Variants in RTN2 observed in about 807,000 individuals in gnomAD.
The protein encoded by RTN2 is reticulon 2, also known as reticulon-2.
RTN2 carries 36 observed loss-of-function variants against 63.7 expected under a neutral mutation model. That is an observed-to-expected ratio of 0.56 (90% CI 0.43 to 0.75). The LOEUF is 0.75. RTN2 is among the 30% of genes least tolerant of loss of function. RTN2 has a pLI of 0.00. For missense variants in RTN2, 673 were observed against 705.1 expected (o/e 0.95, Z 0.52); for synonymous variants, 312 against 313.0 (o/e 1.00, Z 0.03).
intron 5 of RTN2, 87 bp from the exon 6 acceptor site, chr19:45,489,640 C>T (rs1243445136): frequency 1.2e-6 from 1 of 826,714 alleles, no homozygotes; most frequent in African/African-American, 1.7e-5. Context: ...CTGAAAATGA[C>T]TTCTCGACAC....
Position 45,494,097 on chromosome 19 carries a change from T to G in RTN2, c.814+69A>C. 1 of 1,571,122 alleles carries G rather than the reference T, an allele frequency of 6.4e-7. No individual in the cohort carries two copies. Among genetic ancestry groups the G allele is most frequent in the Non-Finnish European group, 8.6e-7 (1 of 1,164,524 alleles). Reference sequence around the variant, plus strand: ...ACTGTTCCTTTGCGAGGTTGGTCCCTTTAATTCAAAATCCTCTCACCTTTT... The same window carrying G: ...ACTGTTCCTTTGCGAGGTTGGTCCCGTTAATTCAAAATCCTCTCACCTTTT... On this transcript the variant is annotated intron_variant, in intron 4 of 10. Coordinates refer to ENST00000245923, the MANE Select transcript of RTN2 (RefSeq NM_005619.5). The surrounding 1 kb of genome is among the most constrained non-coding windows in gnomAD (Gnocchi z 5.3).
At chr19:45,490,422 C>G (rs1343830895) in intron 5 of RTN2, among the ~76,000 whole-genome samples, 1 of 152,112 alleles carries the variant, frequency 6.6e-6, no homozygotes, top group Non-Finnish European at 1.5e-5. Context: ...CTAACCCCTT[C>G]ACCGCAAGCA....
intron 5 of RTN2, among the ~76,000 whole-genome samples, chr19:45,491,574 C>T (rs183743568): frequency 2.0e-5 from 3 of 150,494 alleles, no homozygotes; most frequent in Non-Finnish European, 4.4e-5. Context: ...CTCTGTTGCC[C>T]AAGCTGGAGT....
chr19:45,488,423 A>G, intron 9 of RTN2, 48 bp downstream of exon 9: 1 of 1,591,772 alleles, frequency 6.3e-7, no homozygotes, highest in South Asian at 1.1e-5. Flanking sequence ...AGATGGTCAG[A>G]CCCCCATGTT....
chr19:45,488,696 A>C lies in RTN2; in HGVS notation c.1391T>G (p.Leu464Arg). The C allele has an allele frequency of 6.2e-7, 1 of 1,613,796 alleles. No homozygotes were observed. Among genetic ancestry groups the C allele is most frequent in the Non-Finnish European group, 8.5e-7 (1 of 1,179,884 alleles). The change falls in exon 8 of 11, where the codon CTC becomes CGC. Residue 464 changes from leucine (L) to arginine (R), a missense_variant. Physicochemically the swap from Leu to Arg is moderately radical, Grantham distance 102. Transcript: ENST00000245923. ...ACCCACGAAGGTCAAGATGTAGAAG[A>C]GGAGGGCCAGCTGGGGGTGAAGGTC... is the stretch of plus-strand genomic sequence containing the variant. ...DLVDSLKLAL[L>R]FYILTFVGAI...
Position 45,485,383 on chromosome 19 carries a change from T to C in RTN2, c.*325A>G, listed in dbSNP as rs991875564. ...AGCCCCGGCGTTGGGGCTAGTAGCATCCAGGAGACACCAACGCCTCACGGC... is the reference window on the plus strand; with the variant it reads ...AGCCCCGGCGTTGGGGCTAGTAGCACCCAGGAGACACCAACGCCTCACGGC... On this transcript the variant is annotated 3_prime_UTR_variant, in exon 11 of 11. Transcript: ENST00000245923. 5.3e-6 allele frequency: 2 copies of C among 377,180 alleles called. No individual in the cohort carries two copies. The highest frequency in any genetic ancestry group is 9.9e-6 in the Non-Finnish European group (2 of 202,352). The allele number at this position is 377,180 out of a possible 1,614,324, so 23.4% of individuals were successfully genotyped here.
chr19:45,494,308 CGATCGG>C lies in RTN2; in HGVS notation c.666_671del (p.Ser224_Arg225del), dbSNP rs1568625237. The C allele has an allele frequency of 6.2e-7, 1 of 1,614,070 alleles. No individual in the cohort carries two copies. Among genetic ancestry groups the C allele is most frequent in the Non-Finnish European group, 8.5e-7 (1 of 1,180,022 alleles). On this transcript the variant is annotated inframe_deletion, in exon 4 of 11. Coordinates refer to ENST00000245923, the MANE Select transcript of RTN2 (RefSeq NM_005619.5). The surrounding 1 kb of genome is among the most constrained non-coding windows in gnomAD (Gnocchi z 5.3). ...CTTCGGGCCCAGAGTTCGAATCTCG[CGATCGG>C]GATGGGGACGGAGTACCGGCCTGGG...
chr19:45,494,922 C>G lies in RTN2; in HGVS notation c.163G>C (p.Asp55His). The G allele has an allele frequency of 3.7e-6, 6 of 1,613,600 alleles. No homozygotes were observed. Among genetic ancestry groups the G allele is most frequent in the Non-Finnish European group, 5.1e-6 (6 of 1,180,018 alleles). The change falls in exon 3 of 11, where the codon GAC becomes CAC. Residue 55 changes from aspartate to histidine, a missense_variant. By Grantham distance (81) the Asp-to-His change is moderately conservative (BLOSUM62 -1). Transcript: ENST00000245923. This position sits in a 1 kb window ranked among gnomAD's most constrained non-coding sequence, Gnocchi z 5.3. ...GTCAGCTCCCGGGGGGTGCCCCAGT[C>G]CTGCGACGTGGTCTCCTCCTCGTCC... ...EEDEEETTSQ[D>H]WGTPRELTFS... is the part of the protein sequence containing the mutation.
intron 9 of RTN2, among the ~76,000 whole-genome samples, chr19:45,487,711 G>A (rs928702315): frequency 1.3e-5 from 2 of 149,986 alleles, no homozygotes; most frequent in South Asian, 4.2e-4. Context: ...GGAGGCCAAC[G>A]CGGGCAGATC....
At position 45,485,494 on chromosome 19, in the gene RTN2, C is replaced by G. The variant is rs1250408262; in HGVS notation, c.*214G>C. The G allele has an allele frequency of 7.0e-6, 4 of 570,856 alleles. No individual in the cohort carries two copies. Among genetic ancestry groups the G allele is most frequent in the South Asian group, 4.3e-5 (2 of 46,402 alleles). The allele number at this position is 570,856 out of a possible 1,614,324, so 35.4% of individuals were successfully genotyped here. ...AGCAGGCCCCGCGGCCAAGGTGCCT[C>G]GTCTTTCCTGGACTCCTGGAGCAGA... On this transcript the variant is annotated 3_prime_UTR_variant, in exon 11 of 11. Coordinates refer to ENST00000245923, the MANE Select transcript of RTN2 (RefSeq NM_005619.5).
intron 10 of RTN2, 121 bp downstream of exon 10, chr19:45,485,934 C>A: frequency 8.3e-7 from 1 of 1,199,734 alleles, no homozygotes; most frequent in South Asian, 1.3e-5. Flanking sequence ...ATTGGAATTG[C>A]CTCCTCAGCC....
chr19:45,489,557 T>G lies in RTN2; in HGVS notation c.1034-4A>C. 6.3e-7 allele frequency: 1 copy of G among 1,587,516 alleles called. No homozygotes were observed. Among genetic ancestry groups the G allele is most frequent in the Non-Finnish European group, 8.6e-7 (1 of 1,167,320 alleles). ...TTCCAGTACAGCAGGTCCGCCACTG[T>G]GGAGGGGTGGGGGGCATCAGGGCTT... On this transcript the variant is annotated splice_region_variant and splice_polypyrimidine_tract_variant and intron_variant, in intron 5 of 10. Coordinates refer to ENST00000245923, the MANE Select transcript of RTN2 (RefSeq NM_005619.5).
chr19:45,491,899 G>GA (rs1442759026), intron 5 of RTN2, among the ~76,000 whole-genome samples: 3 of 151,954 alleles, frequency 2.0e-5, no homozygotes, highest in African/African-American at 7.3e-5. Flanking sequence ...AAAGTGTTGG[G>GA]ATTACAGGCA....
intron 4 of RTN2, chr19:45,493,743 T>C (rs1180891788): frequency 3.6e-6 from 1 of 275,062 alleles, no homozygotes; most frequent in Non-Finnish European, 6.8e-6. Flanking sequence ...AGGATTATTT[T>C]ATTTTATTTT....
At chr19:45,495,674 T>C (rs749614812) in intron 1 of RTN2, among the ~76,000 whole-genome samples, 2 of 152,180 alleles carry the variant, frequency 1.3e-5, no homozygotes, top group Non-Finnish European at 2.9e-5. Context: ...GAGGAAGCCA[T>C]GCAGATGTTC....
intron 9 of RTN2, among the ~76,000 whole-genome samples, chr19:45,487,280 A>G (rs1968045866): frequency 6.6e-6 from 1 of 151,910 alleles, no homozygotes; most frequent in Admixed American, 6.6e-5. Flanking sequence ...TCTGGCCTCA[A>G]GCAATTCTCC....
chr19:45,493,181 C>T lies in RTN2; in HGVS notation c.1012G>A (p.Gly338Arg). ...RSSGVPSLSL[G>R]ADMGSKVADL... Reference sequence around the variant, plus strand: ...CCACCTTTACTCCCCATATCGGCTCCGAGTGAGAGGCTGGGGACACCGCTG... The same window carrying T: ...CCACCTTTACTCCCCATATCGGCTCTGAGTGAGAGGCTGGGGACACCGCTG... The change falls in exon 5 of 11, where the codon GGA becomes AGA. Residue 338 changes from glycine (G) to arginine (R), a missense_variant. Gly to Arg is a moderately radical substitution (Grantham distance 125). Coordinates refer to ENST00000245923, the MANE Select transcript of RTN2 (RefSeq NM_005619.5). 3 of 1,612,406 alleles carry T rather than the reference C, an allele frequency of 1.9e-6. No homozygotes were observed. The highest frequency in any genetic ancestry group is 2.2e-5 in the South Asian group (2 of 90,988).
Position 45,485,550 on chromosome 19 carries a change from A to C in RTN2, c.*158T>G, listed in dbSNP as rs1334680804. The C allele has an allele frequency of 1.6e-6, 1 of 625,688 alleles. No individual in the cohort carries two copies. The highest frequency in any genetic ancestry group is 2.9e-6 in the Non-Finnish European group (1 of 350,424). 38.8% of individuals were successfully genotyped at this position (625,688 alleles called of 1,614,324 possible). Reference sequence around the variant, plus strand: ...TTGGGAAATGTAGTCCTGGTCGCTCAGGTAATTAGCGCAGAGTCCCTAGTG... The same window carrying C: ...TTGGGAAATGTAGTCCTGGTCGCTCCGGTAATTAGCGCAGAGTCCCTAGTG... On this transcript the variant is annotated 3_prime_UTR_variant, in exon 11 of 11. Transcript: ENST00000245923.
chr19:45,487,702 G>T (rs1243656698), intron 9 of RTN2, among the ~76,000 whole-genome samples: 1 of 150,572 alleles, frequency 6.6e-6, no homozygotes, highest in Non-Finnish European at 1.5e-5. Flanking sequence ...AGCACTTTGG[G>T]AGGCCAACGC....
Sources: allele counts gnomAD v4.1 joint callset (sites outside exome capture counted in the v4.1 genomes callset), GRCh38; gene constraint gnomAD v4.1.1; non-coding constraint Gnocchi (gnomAD v3.1); transcripts MANE v1.5; gene names NCBI Gene and HGNC (gene_info 2026-07-23, HGNC 2026-07-21).